Variants in RCL1 observed in about 807,000 individuals in gnomAD.
RCL1 encodes RNA 3'-terminal phosphate cyclase-like protein.
RCL1 carries 24 observed loss-of-function variants against 42.4 expected under a neutral mutation model. The ratio of observed to expected loss-of-function variants is 0.57; its 90% CI spans 0.41 to 0.80. The LOEUF is 0.80. Ranked by LOEUF, RCL1 falls within the 30% of genes least tolerant of loss-of-function variation. The pLI, the probability that RCL1 is intolerant of heterozygous loss-of-function variation, is 0.00. For synonymous variants in RCL1, 228 were observed against 177.3 expected, an observed-to-expected ratio of 1.29 and a Z score of -2.27; for missense variants, 578 against 467.9, an observed-to-expected ratio of 1.24 and a Z score of -2.17.
chr9:4,800,593 A>G (rs960494837), intron 1 of RCL1, among the ~76,000 whole-genome samples: 22 of 149,554 alleles, frequency 1.5e-4, no homozygotes, highest in South Asian at 2.1e-4. Flanking sequence ...GCAGGGTTGT[A>G]TGGTAGTTGC....
rs71326137 is a variant in RCL1, at chr9:4,806,587, TACACACACACACACACACAC to T, written c.136+13388_136+13407del. ...TTCCTGGAATAGATTCTACTTGATC[TACACACACACACACACACAC>T]ACACACACACACACACACACACACA... On this transcript the variant is annotated intron_variant, in intron 1 of 8. Coordinates refer to ENST00000381750, the MANE Select transcript of RCL1 (RefSeq NM_005772.5). 4.9e-4 allele frequency among the ~76,000 whole-genome samples: 66 copies of T among 135,768 alleles called. No individual in the cohort carries two copies. In the East Asian group the frequency reaches 7.5e-3, roughly 15 times the overall value. 89.1% of individuals were successfully genotyped at this position (135,768 alleles called of 152,430 possible). A position where few individuals can be genotyped will look rare whatever the true frequency, so the allele number is the denominator to read the frequency against.
chr9:4,849,767 T>G (rs958428853), intron 8 of RCL1, among the ~76,000 whole-genome samples: 3 of 152,240 alleles, frequency 2.0e-5, no homozygotes, highest in African/African-American at 7.2e-5. Flanking sequence ...GTAACTGAAA[T>G]TGCATGATCT....
chr9:4,849,482 G>GCTA lies in RCL1; in HGVS notation c.909_911dup (p.Leu304dup), dbSNP rs1408999931. 1.9e-6 allele frequency: 3 copies of GCTA among 1,613,838 alleles called. No homozygotes were observed. The African/African-American group carries it at 4.0e-5, about 22-fold the overall frequency. On this transcript the variant is annotated inframe_insertion, in exon 8 of 9. Coordinates refer to ENST00000381750, the MANE Select transcript of RCL1 (RefSeq NM_005772.5). ...TAGACTCGACCAACCAAAGCCTGGC[G>GCTA]CTACTACTCATGACCCTTGGACAGC... is the stretch of plus-strand genomic sequence containing the variant.
chr9:4,806,354 A>T (rs753175515), intron 1 of RCL1, among the ~76,000 whole-genome samples: 1 of 152,002 alleles, frequency 6.6e-6, no homozygotes, highest in Non-Finnish European at 1.5e-5. Flanking sequence ...TGTTAGCTAT[A>T]TGTTTTATGT....
At chr9:4,820,066 C>A (rs145766656) in intron 1 of RCL1, among the ~76,000 whole-genome samples, 52 of 152,346 alleles carry the variant, frequency 3.4e-4, no homozygotes, top group Non-Finnish European at 5.1e-4. Context: ...CCACTATCCT[C>A]ACCATTATAG....
At chr9:4,833,891 C>G (rs1362229299) in intron 4 of RCL1, among the ~76,000 whole-genome samples, 3 of 152,112 alleles carry the variant, frequency 2.0e-5, no homozygotes, top group African/African-American at 7.2e-5. Context: ...AAGAAGTGAC[C>G]TGTTCAGGGT....
rs1260265300 is a variant in RCL1, at chr9:4,841,257, A to G, written c.610A>G (p.Met204Val). The part of the protein sequence containing the change: ...MAYSVRVSPQ[M>V]ANRIVDSARS... Reference sequence around the variant, plus strand: ...GTACTCTGTACGTGTGTCACCTCAGATGGCGAACCGGATTGTGGATTCTGC... The same window carrying G: ...GTACTCTGTACGTGTGTCACCTCAGGTGGCGAACCGGATTGTGGATTCTGC... The change falls in exon 6 of 9, where the codon ATG (methionine) becomes GTG (valine). Residue 204 changes from methionine to valine, a missense_variant. By Grantham distance (21) the Met-to-Val change is conservative. Coordinates refer to ENST00000381750, the MANE Select transcript of RCL1 (RefSeq NM_005772.5). 6.2e-7 allele frequency: 1 copy of G among 1,613,892 alleles called. No individual in the cohort carries two copies. The highest frequency in any genetic ancestry group is 8.5e-7 in the Non-Finnish European group (1 of 1,179,774).
chr9:4,816,670 A>T (rs967291106), intron 1 of RCL1, among the ~76,000 whole-genome samples: 1 of 152,178 alleles, frequency 6.6e-6, no homozygotes, highest in African/African-American at 2.4e-5. Context: ...TAAGAATAAC[A>T]TACTTTCTGA....
intron 5 of RCL1, chr9:4,839,990 G>T: frequency 4.2e-6 from 3 of 720,928 alleles, no homozygotes; most frequent in Non-Finnish European, 5.1e-6. Flanking sequence ...TGGGTGGAAG[G>T]AGTTGATGGT....
At chr9:4,809,540 C>G (rs1236474326) in intron 1 of RCL1, among the ~76,000 whole-genome samples, 1 of 152,160 alleles carries the variant, frequency 6.6e-6, no homozygotes, top group Non-Finnish European at 1.5e-5. Flanking sequence ...GATCTCCTGA[C>G]CTTGTGATTC....
intron 1 of RCL1, among the ~76,000 whole-genome samples, chr9:4,816,303 C>G (rs1447945169): frequency 1.3e-5 from 2 of 152,154 alleles, no homozygotes; most frequent in African/African-American, 2.4e-5. Context: ...TCAGTGTAGT[C>G]TTTTGATAAA....
chr9:4,824,915 T>C (rs575081229), intron 2 of RCL1, among the ~76,000 whole-genome samples: 1 of 152,308 alleles, frequency 6.6e-6, no homozygotes, highest in African/African-American at 2.4e-5. Flanking sequence ...TTCTATTCTT[T>C]TTTTGTGTCT....
chr9:4,860,177 GA>G lies in RCL1; in HGVS notation c.1027del (p.Thr343ProfsTer15). On this transcript the variant is annotated frameshift_variant, in exon 9 of 9. Coordinates refer to ENST00000381750, the MANE Select transcript of RCL1 (RefSeq NM_005772.5). LOFTEE classifies it high-confidence loss of function. ...KSFFQIMFKI[E>X]TKPCGEELKG... ...CTTTTTCCAGATTATGTTTAAAATT[GA>G]AACCAAGCCATGTGGTGAAGAACTC... The G allele has an allele frequency of 6.2e-7, 1 of 1,608,744 alleles. No individual in the cohort carries two copies. The highest frequency in any genetic ancestry group is 8.5e-7 in the Non-Finnish European group (1 of 1,177,762).
chr9:4,801,107 A>T (rs1842993053), intron 1 of RCL1, among the ~76,000 whole-genome samples: 1 of 152,162 alleles, frequency 6.6e-6, no homozygotes, highest in African/African-American at 2.4e-5. Context: ...ATGACTAATG[A>T]TGTCTTAAGT....
intron 2 of RCL1, among the ~76,000 whole-genome samples, chr9:4,825,875 G>A (rs1018183524): frequency 6.6e-6 from 1 of 151,778 alleles, no homozygotes; most frequent in African/African-American, 2.4e-5. Flanking sequence ...AGCACTTTGG[G>A]AAGCTGAGCC....
At chr9:4,850,165 A>C in intron 8 of RCL1, 1 of 389,182 alleles carries the variant, frequency 2.6e-6, no homozygotes, top group Non-Finnish European at 5.8e-6. Context: ...GAGGTTGCGG[A>C]AAACAGCCTA....
intron 8 of RCL1, among the ~76,000 whole-genome samples, chr9:4,856,890 C>A (rs1587738880): frequency 6.6e-6 from 1 of 152,158 alleles, no homozygotes; most frequent in Non-Finnish European, 1.5e-5. Context: ...AGGAATTGTT[C>A]AGGCCCCCTT....
At position 4,861,052 on chromosome 9, in the gene RCL1, C is replaced by A. The variant is rs1261918017; in HGVS notation, c.*777C>A. On this transcript the variant is annotated 3_prime_UTR_variant, in exon 9 of 9. Coordinates refer to ENST00000381750, the MANE Select transcript of RCL1 (RefSeq NM_005772.5). ...AATGTATAATGTAAAGACATTAAATCTCCTCATTTAAGGATCTAAGTGTAA... is the reference window on the plus strand; with the variant it reads ...AATGTATAATGTAAAGACATTAAATATCCTCATTTAAGGATCTAAGTGTAA... 6.6e-6 allele frequency: 1 copy of A among 152,120 alleles called. No individual in the cohort carries two copies. Among genetic ancestry groups the A allele is most frequent in the East Asian group, 1.9e-4 (1 of 5,186 alleles). The allele number at this position is 152,120 out of a possible 1,614,324, so 9.4% of individuals were successfully genotyped here.
intron 1 of RCL1, among the ~76,000 whole-genome samples, chr9:4,819,372 A>G (rs1816504080): frequency 3.3e-5 from 5 of 152,214 alleles, no homozygotes; most frequent in Admixed American, 2.0e-4. Flanking sequence ...GCTGGTTTAG[A>G]GAATCTTTGA....
Sources: allele counts gnomAD v4.1 joint callset (sites outside exome capture counted in the v4.1 genomes callset), GRCh38; gene constraint gnomAD v4.1.1; transcripts MANE v1.5; gene names NCBI Gene and HGNC (gene_info 2026-07-23, HGNC 2026-07-21).